TMX1: variants seen among roughly 807,000 people sequenced by gnomAD.
TMX1 encodes the protein thioredoxin-related transmembrane protein 1.
TMX1 carries 25 observed loss-of-function variants against 36.6 expected under a neutral mutation model. The observed-to-expected ratio is 0.68, with a 90% CI of 0.50 to 0.95. The LOEUF is 0.95. Ranked by LOEUF, TMX1 falls within the 40% of genes least tolerant of loss-of-function variation. The probability of loss-of-function intolerance (pLI) is 0.00; values close to 1 mark genes in which losing one functional copy is unlikely to be tolerated. For missense variants in TMX1, 347 were observed against 339.6 expected, an observed-to-expected ratio of 1.02 and a Z score of -0.17; for synonymous variants, 133 against 118.0, an observed-to-expected ratio of 1.13 and a Z score of -0.82.
intron 7 of TMX1, 47 bp from the exon 8 acceptor site, chr14:51,254,294 A>G (rs377403044): frequency 1.4e-4 from 211 of 1,522,792 alleles, no homozygotes; most frequent in Non-Finnish European, 1.7e-4. Context: ...ACTCTAAAGC[A>G]AATCTAATAC....
chr14:51,257,212 CGT>C lies in TMX1; in HGVS notation c.*2695_*2696del, dbSNP rs1201350319. ...CATAATTATTCAGTATTTGCAGTCT[CGT>C]GATGTTGGTTATTGCATAAAGTAAG... On this transcript the variant is annotated 3_prime_UTR_variant, in exon 8 of 8. Coordinates refer to ENST00000457354, the MANE Select transcript of TMX1 (RefSeq NM_030755.5). 3 of 152,210 alleles carry C rather than the reference CGT, an allele frequency of 2.0e-5. No individual in the cohort carries two copies. The highest frequency in any genetic ancestry group is 4.4e-5 in the Non-Finnish European group (3 of 68,020). The allele number at this position is 152,210 out of a possible 1,614,324, so 9.4% of individuals were successfully genotyped here.
chr14:51,240,536 C>G, intron 1 of TMX1, 92 bp downstream of exon 1: 1 of 1,490,728 alleles, frequency 6.7e-7, no homozygotes, highest in South Asian at 1.3e-5. Context: ...CTCCCCAGGA[C>G]TGCGCCTCCG....
intron 3 of TMX1, among the ~76,000 whole-genome samples, chr14:51,246,784 G>A (rs1168271932): frequency 1.3e-5 from 2 of 152,078 alleles, no homozygotes; most frequent in Non-Finnish European, 2.9e-5. Context: ...TTTAATATGT[G>A]TATTACACAT....
rs2065802970 is a variant in TMX1, at chr14:51,249,715, G to A, written c.614G>A (p.Cys205Tyr). 1 of 1,613,516 alleles carries A rather than the reference G, an allele frequency of 6.2e-7. No homozygotes were observed. The highest frequency in any genetic ancestry group is 8.5e-7 in the Non-Finnish European group (1 of 1,179,694). ...LGLCMIFVAD[C>Y]LCPSKRRRPQ... is the part of the protein sequence containing the mutation. ...CAGTGTATGATATTTGTGGCAGATT[G>A]CCTTTGTCCTTCAAAAAGGCGCAGA... The change falls in exon 7 of 8, where the codon TGC becomes TAC. Residue 205 changes from cysteine to tyrosine, a missense_variant. By Grantham distance (194) the Cys-to-Tyr change is radical (BLOSUM62 -2). Transcript: ENST00000457354.
intron 1 of TMX1, among the ~76,000 whole-genome samples, chr14:51,241,608 A>G (rs1596403335): frequency 6.6e-6 from 1 of 152,208 alleles, no homozygotes; most frequent in Admixed American, 6.5e-5. Flanking sequence ...TACGCTACCC[A>G]GGAGATTGAG....
In TMX1 at chr14:51,255,795, G is replaced by A. The variant is rs1356964229; in HGVS notation, c.*1276G>A. The A allele has an allele frequency of 1.3e-5, 2 of 152,046 alleles. No individual in the cohort carries two copies. The highest frequency in any genetic ancestry group is 2.9e-5 in the Non-Finnish European group (2 of 67,924). The allele number at this position is 152,046 out of a possible 1,614,324, so 9.4% of individuals were successfully genotyped here. On this transcript the variant is annotated 3_prime_UTR_variant, in exon 8 of 8. Coordinates refer to ENST00000457354, the MANE Select transcript of TMX1 (RefSeq NM_030755.5). Reference sequence around the variant, plus strand: ...ATAGTTTTCACCTTAAAAGAAGGGGGAAAATCATAAATACAATGAATCAAC... The same window carrying A: ...ATAGTTTTCACCTTAAAAGAAGGGGAAAAATCATAAATACAATGAATCAAC...
At chr14:51,240,582 C>A in intron 1 of TMX1, 138 bp downstream of exon 1, 1 of 1,278,142 alleles carries the variant, frequency 7.8e-7, no homozygotes, top group South Asian at 1.5e-5. Context: ...TCTGCAGCTC[C>A]CCAAACTCTT....
At position 51,254,350 on chromosome 14, in the gene TMX1, T is replaced by G. The variant is rs751399114; in HGVS notation, c.674T>G (p.Leu225Ter). ...QPYPYPSKKL[L>*]SESAQPLKKV... is the part of the protein sequence containing the mutation. ...GGTCTTTGTCTTTAAGAAAAATTATTATCAGAATCTGCACAACCTTTGAAA... is the reference window on the plus strand; with the variant it reads ...GGTCTTTGTCTTTAAGAAAAATTATGATCAGAATCTGCACAACCTTTGAAA... Residue 225 changes from leucine to a stop codon, truncating the protein, a stop_gained, in exon 8 of 8, where the codon TTA becomes TGA. Transcript: ENST00000457354. LOFTEE classifies it high-confidence loss of function. The G allele has an allele frequency of 6.3e-7, 1 of 1,582,148 alleles. No individual in the cohort carries two copies. Among genetic ancestry groups the G allele is most frequent in the Non-Finnish European group, 8.5e-7 (1 of 1,171,006 alleles).
At position 51,253,663 on chromosome 14, in the gene TMX1, C is replaced by T. The variant is rs574853108; in HGVS notation, c.665-678C>T. 1.5e-3 allele frequency among the ~76,000 whole-genome samples: 221 copies of T among 152,220 alleles called. 1 individual carries two copies. Among genetic ancestry groups the T allele is most frequent in the Admixed American group, 2.3e-3 (35 of 15,290 alleles). ...ACTAGCAGCTGGCCATATAAAACAT[C>T]GAAAGGGTGTGTATTTATTCATTGA... On this transcript the variant is annotated intron_variant, in intron 7 of 7. Coordinates refer to ENST00000457354, the MANE Select transcript of TMX1 (RefSeq NM_030755.5).
intron 7 of TMX1, among the ~76,000 whole-genome samples, chr14:51,250,248 T>C (rs1566712081): frequency 6.6e-6 from 1 of 152,236 alleles, no homozygotes; most frequent in African/African-American, 2.4e-5. Context: ...TACAAGCATT[T>C]ACCAATCTTG....
At position 51,249,022 on chromosome 14, in the gene TMX1, C is replaced by T. The variant is rs190150230; in HGVS notation, c.444-304C>T. On this transcript the variant is annotated intron_variant, in intron 4 of 7. Transcript: ENST00000457354. ...AACTGGTTTCATGGAACTTGTAACCCTTTACTCAGTGTATTGGAGAAATCA... is the reference window on the plus strand; with the variant it reads ...AACTGGTTTCATGGAACTTGTAACCTTTTACTCAGTGTATTGGAGAAATCA... Among the ~76,000 whole-genome samples the T allele has an allele frequency of 7.8e-4, 119 of 152,164 alleles. 1 individual carries two copies. The highest frequency in any genetic ancestry group is 4.7e-4 in the Non-Finnish European group (32 of 68,000).
chr14:51,245,262 G>A, intron 2 of TMX1, 51 bp from the exon 3 acceptor site: 1 of 1,607,950 alleles, frequency 6.2e-7, no homozygotes, highest in African/African-American at 1.3e-5. Flanking sequence ...CACGTTTTAA[G>A]TAGTCAGTGA....
chr14:51,246,978 A>G lies in TMX1; in HGVS notation c.315-114A>G, dbSNP rs974235717. On this transcript the variant is annotated intron_variant, in intron 3 of 7. Transcript: ENST00000457354. ...TATAATTTGCTATTAATACTTGTAC[A>G]TTGCTAATGCTTTTGAATGTTAGAA... 6.5e-6 allele frequency: 6 copies of G among 921,640 alleles called. No individual in the cohort carries two copies. In the African/African-American group the frequency reaches 8.4e-5, roughly 13 times the overall value. 57.1% of individuals were successfully genotyped at this position (921,640 alleles called of 1,614,324 possible).
rs903367215 is a variant in TMX1 at position 51,249,518 on chromosome 14, A to G, written c.540A>G (p.Ser180=). The change falls in exon 6 of 8, where the codon TCA becomes TCG. Residue 180 remains serine, a synonymous_variant. Transcript: ENST00000457354. ...IEDLGLPVWG[S]YTVFALATLF... Reference sequence around the variant, plus strand: ...ACCTTGGATTGCCAGTGTGGGGATCATATACTGTTTTTGCTTTAGCAACTC... The same window carrying G: ...ACCTTGGATTGCCAGTGTGGGGATCGTATACTGTTTTTGCTTTAGCAACTC... The G allele has an allele frequency of 3.1e-6, 5 of 1,613,638 alleles. No individual in the cohort carries two copies. In the African/African-American group the frequency reaches 5.3e-5, roughly 17 times the overall value.
intron 7 of TMX1, among the ~76,000 whole-genome samples, chr14:51,253,121 T>C (rs2065822548): frequency 6.6e-6 from 1 of 152,136 alleles, no homozygotes; most frequent in Admixed American, 6.5e-5. Flanking sequence ...AAAGGTCTCA[T>C]TTTTTGGAAA....
At chr14:51,247,464 C>G (rs1388025337) in intron 4 of TMX1, among the ~76,000 whole-genome samples, 3 of 146,568 alleles carry the variant, frequency 2.0e-5, no homozygotes, top group Non-Finnish European at 4.4e-5. Flanking sequence ...TCACGCCATT[C>G]TCCTGCCTCA....
At chr14:51,254,259 A>T in intron 7 of TMX1, 82 bp from the exon 8 acceptor site, 5 of 1,272,986 alleles carry the variant, frequency 3.9e-6, no homozygotes, top group Non-Finnish European at 5.3e-6. Flanking sequence ...GTTTTGGGGC[A>T]TATGAGACAT....
rs1324229460 is a variant in TMX1, at chr14:51,247,219, C to G, written c.442C>G (p.Leu148Val). ...VSSWFGPGSV[L>V]MSSMSALFQL... ...ATCATGGTTTGGTCCAGGTTCTGTT[C>G]TGTAAGTATGAGGGCTTTTTCTCTT... Residue 148 changes from leucine to valine, a missense_variant and splice_region_variant, in exon 4 of 8, where the codon CTG (leucine) becomes GTG (valine). By Grantham distance (32) the Leu-to-Val change is conservative. Coordinates refer to ENST00000457354, the MANE Select transcript of TMX1 (RefSeq NM_030755.5). 6.2e-7 allele frequency: 1 copy of G among 1,609,988 alleles called. No individual in the cohort carries two copies. The highest frequency in any genetic ancestry group is 8.5e-7 in the Non-Finnish European group (1 of 1,178,636).
chr14:51,243,341 ATCT>A (rs1470591449), intron 1 of TMX1, among the ~76,000 whole-genome samples: 1 of 152,212 alleles, frequency 6.6e-6, no homozygotes. Flanking sequence ...GCAGCTCTCC[ATCT>A]TCTTTTAAAT....
Sources: gnomAD v4.1 joint callset for allele counts (sites outside exome capture counted in the v4.1 genomes callset) on GRCh38, gnomAD v4.1.1 for gene constraint, MANE v1.5 for transcripts, NCBI Gene and HGNC (gene_info 2026-07-23, HGNC 2026-07-21) for gene names.